The following TOX2 variants were observed in gnomAD, a reference collection of about 807,000 sequenced individuals.
The protein encoded by TOX2 is granulosa cell HMG box 1.
TOX2 carries 15 observed loss-of-function variants against 47.4 expected under a neutral mutation model. That is an observed-to-expected ratio of 0.32 (90% CI 0.21 to 0.49). TOX2 has a LOEUF of 0.49. TOX2 is among the 20% of genes least tolerant of loss of function. The pLI is 0.99. For synonymous variants in TOX2, 290 were observed against 296.6 expected (o/e 0.98, Z 0.23); for missense variants, 622 against 673.1 (o/e 0.92, Z 0.84).
Position 43,915,657 on chromosome 20 carries a change from G to A in TOX2, c.99+667G>A, listed in dbSNP as rs2069047543. Reference sequence around the variant, plus strand: ...CCACACCTCGGTCATCCACACTCGCGCGTCGAGGTTTAACTTCTCAGCGCC... The same window carrying A: ...CCACACCTCGGTCATCCACACTCGCACGTCGAGGTTTAACTTCTCAGCGCC... On this transcript the variant is annotated intron_variant, in intron 1 of 8. Transcript: ENST00000341197. This position sits in a 1 kb window ranked among gnomAD's most constrained non-coding sequence, Gnocchi z 7.1. 6.6e-6 allele frequency among the ~76,000 whole-genome samples: 1 copy of A among 152,212 alleles called. No individual in the cohort carries two copies. Among genetic ancestry groups the A allele is most frequent in the African/African-American group, 2.4e-5 (1 of 41,452 alleles).
At chr20:43,962,399 GTGAGGGGC>G (rs1325421772) in intron 1 of TOX2, among the ~76,000 whole-genome samples, 1 of 152,244 alleles carries the variant, frequency 6.6e-6, no homozygotes, top group African/African-American at 2.4e-5. Flanking sequence ...CCAGCCAACT[GTGAGGGGC>G]TGAGGGGCTG....
At chr20:44,066,389 C>T (rs1402971410) in intron 7 of TOX2, among the ~76,000 whole-genome samples, 2 of 152,214 alleles carry the variant, frequency 1.3e-5, no homozygotes, top group Non-Finnish European at 2.9e-5. Context: ...CTTCCCAAAG[C>T]CTTCGAGACC....
chr20:43,915,016 C>G lies in TOX2; in HGVS notation c.99+26C>G. 2.4e-6 allele frequency: 3 copies of G among 1,225,522 alleles called. No individual in the cohort carries two copies. The highest frequency in any genetic ancestry group is 3.1e-6 in the Non-Finnish European group (3 of 979,774). 75.9% of individuals were successfully genotyped at this position (1,225,522 alleles called of 1,614,324 possible). A position where few individuals can be genotyped will look rare whatever the true frequency, so the allele number is the denominator to read the frequency against. Reference sequence around the variant, plus strand: ...GTAGGCGGGGGCGGGCGGGGGTCCCCGGCGGGCGGGGCCGGAGTCACCTGG... The same window carrying G: ...GTAGGCGGGGGCGGGCGGGGGTCCCGGGCGGGCGGGGCCGGAGTCACCTGG... On this transcript the variant is annotated intron_variant, in intron 1 of 8. Coordinates refer to ENST00000341197, the MANE Select transcript of TOX2 (RefSeq NM_001098797.2). The surrounding 1 kb of genome is among the most constrained non-coding windows in gnomAD (Gnocchi z 7.1).
chr20:43,920,616 G>A (rs994526775), intron 1 of TOX2, among the ~76,000 whole-genome samples: 1 of 152,172 alleles, frequency 6.6e-6, no homozygotes, highest in African/African-American at 2.4e-5. Flanking sequence ...CCTCCAGGAA[G>A]GACCCCAGGA....
intron 2 of TOX2, among the ~76,000 whole-genome samples, chr20:43,978,570 G>A (rs971910510): frequency 1.1e-4 from 17 of 152,274 alleles, no homozygotes; most frequent in African/African-American, 3.8e-4. Flanking sequence ...GTTTTTGTAT[G>A]CATTGTTTCC....
chr20:44,052,513 A>AAG (rs1471629441), intron 4 of TOX2, among the ~76,000 whole-genome samples: 2 of 152,004 alleles, frequency 1.3e-5, no homozygotes, highest in African/African-American at 4.8e-5. Flanking sequence ...ACTTTGGGGG[A>AAG]AGAGGGGTTT....
chr20:43,915,079 C>T lies in TOX2; in HGVS notation c.99+89C>T. On this transcript the variant is annotated intron_variant, in intron 1 of 8. Coordinates refer to ENST00000341197, the MANE Select transcript of TOX2 (RefSeq NM_001098797.2). This position sits in a 1 kb window ranked among gnomAD's most constrained non-coding sequence, Gnocchi z 7.1. ...CAGGCGCTCCCGGGGTCACACGGGGCCGCGCACATCAGCCCCGCCGACGGG... is the reference window on the plus strand; with the variant it reads ...CAGGCGCTCCCGGGGTCACACGGGGTCGCGCACATCAGCCCCGCCGACGGG... 1 of 739,870 alleles carries T rather than the reference C, an allele frequency of 1.4e-6. No homozygotes were observed. Among genetic ancestry groups the T allele is most frequent in the South Asian group, 5.6e-5 (1 of 17,706 alleles). The allele number at this position is 739,870 out of a possible 1,614,324, so 45.8% of individuals were successfully genotyped here.
At chr20:44,049,567 G>A (rs1285587369) in intron 3 of TOX2, among the ~76,000 whole-genome samples, 2 of 152,220 alleles carry the variant, frequency 1.3e-5, no homozygotes, top group African/African-American at 4.8e-5. Flanking sequence ...GTGTGCCACG[G>A]TGGTTTGCTG....
intron 2 of TOX2, among the ~76,000 whole-genome samples, chr20:44,000,394 G>T (rs1025681657): frequency 6.6e-6 from 1 of 152,118 alleles, no homozygotes; most frequent in Non-Finnish European, 1.5e-5. Context: ...GGAAGAGAGG[G>T]GTCAAGGGTG....
chr20:43,940,937 G>A (rs544578231), intron 1 of TOX2, among the ~76,000 whole-genome samples: 76 of 152,314 alleles, frequency 5.0e-4, no homozygotes, highest in African/African-American at 1.8e-3. Context: ...CTGTGAAGCC[G>A]ACTTCATTAC....
At chr20:44,032,144 CTG>C (rs1234540978) in intron 3 of TOX2, among the ~76,000 whole-genome samples, 3 of 152,062 alleles carry the variant, frequency 2.0e-5, no homozygotes, top group Admixed American at 6.6e-5. Flanking sequence ...TCTGATAAAA[CTG>C]TGGTTTGAAG....
At chr20:44,056,853 A>ATAAT (rs1303848022) in intron 5 of TOX2, among the ~76,000 whole-genome samples, 6 of 152,196 alleles carry the variant, frequency 3.9e-5, no homozygotes, top group South Asian at 4.1e-4. Flanking sequence ...AAAAGTGTCT[A>ATAAT]TAATTATACA....
At chr20:43,934,798 T>TTGTGTGTGTGTG (rs148972789) in intron 1 of TOX2, among the ~76,000 whole-genome samples, 6,360 of 147,792 alleles carry the variant, frequency 0.043, 216 homozygotes, top group Middle Eastern at 0.11. Flanking sequence ...GTGTGTGTGT[T>TTGTGTGTGTGTG]TGTGTGTGTG....
chr20:44,040,921 T>G (rs973188417), intron 3 of TOX2, among the ~76,000 whole-genome samples: 1 of 150,318 alleles, frequency 6.7e-6, no homozygotes, highest in African/African-American at 2.5e-5. Flanking sequence ...GGGAGAGGAG[T>G]GATATTGATG....
At chr20:44,011,996 A>G (rs1373486325) in intron 3 of TOX2, among the ~76,000 whole-genome samples, 1 of 152,250 alleles carries the variant, frequency 6.6e-6, no homozygotes. Flanking sequence ...GTCTTAACTG[A>G]TTAAACATTT....
intron 4 of TOX2, among the ~76,000 whole-genome samples, 191 bp downstream of exon 4, chr20:44,051,736 G>A (rs2071516210): frequency 6.6e-6 from 1 of 152,204 alleles, no homozygotes; most frequent in African/African-American, 2.4e-5. Flanking sequence ...AGAGCTCAGT[G>A]GTTTTCTGTT....
intron 3 of TOX2, among the ~76,000 whole-genome samples, chr20:44,012,676 G>A (rs1204970557): frequency 6.6e-6 from 1 of 152,168 alleles, no homozygotes; most frequent in Non-Finnish European, 1.5e-5. Context: ...TGGGGATTGG[G>A]ATTTCAGCTC....
intron 3 of TOX2, 119 bp from the exon 4 acceptor site, chr20:44,051,187 G>A: frequency 2.1e-6 from 3 of 1,406,374 alleles, no homozygotes; most frequent in South Asian, 1.5e-5. Context: ...AGGGATCGGA[G>A]CAGGAGCCGC....
At chr20:43,957,562 G>A (rs1011413806) in intron 1 of TOX2, among the ~76,000 whole-genome samples, 1 of 138,584 alleles carries the variant, frequency 7.2e-6, no homozygotes, top group African/African-American at 2.8e-5. Flanking sequence ...TAAAGTAAAT[G>A]CCCTCTTTTT....
Sources: gnomAD v4.1 joint callset for allele counts (sites outside exome capture counted in the v4.1 genomes callset) on GRCh38, gnomAD v4.1.1 for gene constraint, Gnocchi (gnomAD v3.1) non-coding constraint, MANE v1.5 for transcripts, NCBI Gene and HGNC (gene_info 2026-07-23, HGNC 2026-07-21) for gene names.